The following AHI1 variants were observed in gnomAD, a reference collection of about 807,000 sequenced individuals.
The protein encoded by AHI1 is Abelson helper integration site 1, also known as jouberin.
AHI1 carries 123 observed loss-of-function variants against 149.3 expected under a neutral mutation model. The ratio of observed to expected loss-of-function variants is 0.82; its 90% CI spans 0.71 to 0.96. The LOEUF is 0.96. Ranked by LOEUF, AHI1 falls within the 40% of genes least tolerant of loss-of-function variation. The pLI is 0.00. For synonymous variants in AHI1, 475 were observed against 459.8 expected, an observed-to-expected ratio of 1.03 and a Z score of -0.42; for missense variants, 1,439 against 1,422.7, an observed-to-expected ratio of 1.01 and a Z score of -0.18.
chr6:135,286,030 T>C (rs1015044819), intron 28 of AHI1, among the ~76,000 whole-genome samples: 2 of 152,232 alleles, frequency 1.3e-5, no homozygotes, highest in Non-Finnish European at 2.9e-5. Context: ...AAAGTCCTCA[T>C]GGATGATATT....
chr6:135,407,195 C>A (rs953170524), intron 21 of AHI1, among the ~76,000 whole-genome samples: 1 of 152,114 alleles, frequency 6.6e-6, no homozygotes, highest in Non-Finnish European at 1.5e-5. Context: ...TTATGCAATT[C>A]ACTCACACAT....
At chr6:135,445,403 T>C (rs1476168176) in intron 13 of AHI1, among the ~76,000 whole-genome samples, 1 of 152,190 alleles carries the variant, frequency 6.6e-6, no homozygotes, top group Non-Finnish European at 1.5e-5. Context: ...AAGAACACTT[T>C]AGTAAAAGCT....
At chr6:135,482,893 G>GTTTTTTTTTTTTTT (rs1491384083) in intron 5 of AHI1, among the ~76,000 whole-genome samples, 5 of 5,790 alleles carry the variant, frequency 8.6e-4, no homozygotes, top group East Asian at 0.012. Context: ...TCCATTTAAG[G>GTTTTTTTTTTTTTT]CTTTTTTTTT....
chr6:135,388,377 C>G (rs1248943743), intron 23 of AHI1, among the ~76,000 whole-genome samples: 1 of 152,210 alleles, frequency 6.6e-6, no homozygotes, highest in Admixed American at 6.5e-5. Context: ...CTTATACCAT[C>G]AGCTGTGTTT....
At chr6:135,399,281 C>T (rs1779690983) in intron 22 of AHI1, among the ~76,000 whole-genome samples, 1 of 152,164 alleles carries the variant, frequency 6.6e-6, no homozygotes, top group African/African-American at 2.4e-5. Context: ...AGGAAACAAA[C>T]CAACTAAAAC....
chr6:135,470,105 T>TA lies in AHI1; in HGVS notation c.136-2472dup, dbSNP rs1328884812. Among the ~76,000 whole-genome samples, 26 of 150,504 alleles carry TA rather than the reference T, an allele frequency of 1.7e-4. 1 individual carries two copies. The highest frequency in any genetic ancestry group is 1.6e-3 in the Admixed American group (24 of 15,044). On this transcript the variant is annotated intron_variant, in intron 5 of 28. Transcript: ENST00000265602. ...TAATATCCAGAATCTATAAGGAACTTAAACAAATTTGTGAGAAAAAAACTA... is the reference window on the plus strand; with the variant it reads ...TAATATCCAGAATCTATAAGGAACTTAAAACAAATTTGTGAGAAAAAAACTA...
chr6:135,444,212 C>T (rs1270730059), intron 13 of AHI1, among the ~76,000 whole-genome samples: 2 of 152,198 alleles, frequency 1.3e-5, no homozygotes, highest in Non-Finnish European at 2.9e-5. Context: ...TGACTGCCAT[C>T]TAATTCTGAT....
At chr6:135,419,867 C>A (rs1245302455) in intron 20 of AHI1, among the ~76,000 whole-genome samples, 1 of 152,074 alleles carries the variant, frequency 6.6e-6, no homozygotes, top group Non-Finnish European at 1.5e-5. Flanking sequence ...GAAATTGTGT[C>A]CTCTCAAACC....
intron 5 of AHI1, among the ~76,000 whole-genome samples, chr6:135,473,720 T>G (rs1056756820): frequency 6.6e-6 from 1 of 150,570 alleles, no homozygotes; most frequent in African/African-American, 2.4e-5. Context: ...ACATTTTTGA[T>G]AAATTTATCC....
chr6:135,418,578 C>T (rs1450326529), intron 20 of AHI1, among the ~76,000 whole-genome samples: 1 of 151,928 alleles, frequency 6.6e-6, no homozygotes, highest in African/African-American at 2.4e-5. Flanking sequence ...TATTTTAATC[C>T]ACTGCCCTTT....
intron 23 of AHI1, among the ~76,000 whole-genome samples, chr6:135,359,992 A>G (rs1793604031): frequency 6.6e-6 from 1 of 152,156 alleles, no homozygotes; most frequent in Non-Finnish European, 1.5e-5. Flanking sequence ...CCAAAGTTAT[A>G]ATCTTAGTTT....
chr6:135,387,829 T>C (rs1288199038), intron 23 of AHI1: 2 of 1,425,794 alleles, frequency 1.4e-6, no homozygotes, highest in East Asian at 2.5e-5. Flanking sequence ...AGTTTCAAAG[T>C]ATTAAATGTA....
chr6:135,490,737 T>C lies in AHI1; in HGVS notation c.21A>G (p.Glu7=). Residue 7 remains glutamate (E), a synonymous_variant, in exon 5 of 29, where the codon GAA becomes GAG. Coordinates refer to ENST00000265602, the MANE Select transcript of AHI1 (RefSeq NM_001134831.2). The part of the protein sequence containing the change: MPTAES[E]AKVKTKVRFE... ...AGCGAACTTTGGTTTTTACTTTTGC[T>C]TCACTCTCAGCTACAAAAGATACAG... 1 of 1,612,866 alleles carries C rather than the reference T, an allele frequency of 6.2e-7. No individual in the cohort carries two copies. Among genetic ancestry groups the C allele is most frequent in the Non-Finnish European group, 8.5e-7 (1 of 1,179,418 alleles).
At chr6:135,363,896 ACCC>A (rs1171061892) in intron 23 of AHI1, among the ~76,000 whole-genome samples, 1 of 119,802 alleles carries the variant, frequency 8.3e-6, no homozygotes, top group African/African-American at 3.3e-5. Context: ...CGGGGGGCTG[ACCC>A]CCCCCACCTC....
intron 6 of AHI1, 113 bp from the exon 7 acceptor site, chr6:135,466,486 T>C (rs1455970821): frequency 2.0e-6 from 2 of 1,009,270 alleles, no homozygotes; most frequent in African/African-American, 3.3e-5. Flanking sequence ...GATTATTTAG[T>C]TTTTCATCTG....
chr6:135,303,203 AAAAGAG>A (rs1437327254), intron 26 of AHI1, among the ~76,000 whole-genome samples: 1 of 152,248 alleles, frequency 6.6e-6, no homozygotes, highest in Non-Finnish European at 1.5e-5. Context: ...ATAGCTTTGT[AAAAGAG>A]AAAGGGGCTA....
chr6:135,349,722 A>G (rs2128423246), intron 24 of AHI1, among the ~76,000 whole-genome samples: 1 of 152,324 alleles, frequency 6.6e-6, no homozygotes, highest in African/African-American at 2.4e-5. Flanking sequence ...GATGTGCTTC[A>G]TTTTTCTGCT....
intron 26 of AHI1, chr6:135,302,604 A>G (rs1435816275): frequency 8.9e-7 from 1 of 1,126,848 alleles, no homozygotes; most frequent in South Asian, 2.0e-5. Flanking sequence ...TTCAAATTAT[A>G]TGAATCCTAA....
intron 5 of AHI1, chr6:135,474,569 G>A (rs1792297248): frequency 6.6e-6 from 1 of 151,776 alleles, no homozygotes; most frequent in Admixed American, 6.6e-5. Context: ...GTAACTGACT[G>A]TGAAAAATCC....
Sources: allele counts gnomAD v4.1 joint callset (sites outside exome capture counted in the v4.1 genomes callset), GRCh38; gene constraint gnomAD v4.1.1; transcripts MANE v1.5; gene names NCBI Gene and HGNC (gene_info 2026-07-23, HGNC 2026-07-21).